The following EMSY variants were observed in gnomAD, a reference collection of about 807,000 sequenced individuals.
EMSY encodes EMSY transcriptional repressor, BRCA2 interacting, also known as BRCA2-interacting transcriptional repressor EMSY.
EMSY carries 26 observed loss-of-function variants against 134.6 expected under a neutral mutation model. The observed-to-expected ratio is 0.19, with a 90% CI of 0.14 to 0.27. The LOEUF (loss-of-function observed/expected upper bound fraction) is 0.27, where lower values mean the gene tolerates loss of function less well. EMSY is among the 10% of genes least tolerant of loss of function. The pLI, the probability that EMSY is intolerant of heterozygous loss-of-function variation, is 1.00. For missense variants in EMSY, 1,305 were observed against 1,611.4 expected (o/e 0.81, Z 3.26); for synonymous variants, 579 against 577.8 (o/e 1.00, Z -0.03).
intron 9 of EMSY, among the ~76,000 whole-genome samples, chr11:76,510,855 A>AT (rs1212349642): frequency 6.6e-6 from 1 of 152,238 alleles, no homozygotes; most frequent in African/African-American, 2.4e-5. Flanking sequence ...CTGGAATGGA[A>AT]TGTACCCCTT....
intron 7 of EMSY, among the ~76,000 whole-genome samples, chr11:76,471,297 AC>A (rs1948559326): frequency 1.3e-5 from 2 of 152,152 alleles, no homozygotes; most frequent in South Asian, 2.1e-4. Context: ...TATACTCTGC[AC>A]CCAGTTTTCT....
chr11:76,474,115 CAAA>C (rs11407539), intron 8 of EMSY, among the ~76,000 whole-genome samples: 5 of 128,652 alleles, frequency 3.9e-5, no homozygotes, highest in Non-Finnish European at 5.0e-5. Flanking sequence ...GACCCTGTCT[CAAA>C]AAAAAAAAAA....
At chr11:76,471,921 T>C (rs889739346) in intron 7 of EMSY, among the ~76,000 whole-genome samples, 4 of 152,190 alleles carry the variant, frequency 2.6e-5, no homozygotes, top group African/African-American at 9.6e-5. Flanking sequence ...ATGGATGGTC[T>C]TCTGGGTAGC....
intron 9 of EMSY, among the ~76,000 whole-genome samples, chr11:76,504,826 A>G (rs534256106): frequency 2.6e-5 from 4 of 152,358 alleles, no homozygotes; most frequent in Non-Finnish European, 5.9e-5. Context: ...TTAGCCATAA[A>G]AGGAATGAAG....
At chr11:76,546,094 C>T in exon 20 of EMSY, 1 of 1,614,094 alleles carries the variant, frequency 6.2e-7, no homozygotes, top group Non-Finnish European at 8.5e-7. Context: ...ACCCTCCACC[C>T]ACATGGTGGT....
chr11:76,516,053 G>C, intron 10 of EMSY, 89 bp from the exon 12 acceptor site: 3 of 1,156,268 alleles, frequency 2.6e-6, no homozygotes, highest in Non-Finnish European at 3.7e-6. Context: ...TAGCAATGTA[G>C]ATTATATGGA....
At chr11:76,537,830 A>G in exon 16 of EMSY, 1 of 1,609,966 alleles carries the variant, frequency 6.2e-7, no homozygotes, top group Middle Eastern at 1.7e-4. Flanking sequence ...AAGACAACCC[A>G]CTATTGACCT....
In EMSY at chr11:76,450,266, T is replaced by G. The variant is rs888805381; in HGVS notation, c.71-1592T>G. ...GGGGAAGGCATAAACATTTAGAGTATACTGCATTCTTGGTTATCCCTAATG... is the reference window on the plus strand; with the variant it reads ...GGGGAAGGCATAAACATTTAGAGTAGACTGCATTCTTGGTTATCCCTAATG... On this transcript the variant is annotated intron_variant, in intron 2 of 20. Transcript: ENST00000334736. Among the ~76,000 whole-genome samples, 4 of 152,300 alleles carry G rather than the reference T, an allele frequency of 2.6e-5. No individual in the cohort carries two copies. The East Asian group carries it at 7.7e-4, about 29-fold the overall frequency.
At chr11:76,479,870 A>G (rs1191499389) in intron 8 of EMSY, among the ~76,000 whole-genome samples, 2 of 152,250 alleles carry the variant, frequency 1.3e-5, no homozygotes, top group Non-Finnish European at 2.9e-5. Flanking sequence ...TGGATCCATC[A>G]GCATTGGAGT....
At chr11:76,496,261 C>T (rs1949650629) in exon 9 of EMSY, 9 of 1,614,088 alleles carry the variant, frequency 5.6e-6, no homozygotes, top group East Asian at 4.5e-5. Context: ...GACTTCCTTC[C>T]CCCAAAAGCT....
intron 9 of EMSY, among the ~76,000 whole-genome samples, chr11:76,502,618 G>A (rs867099088): frequency 6.6e-5 from 10 of 150,920 alleles, no homozygotes; most frequent in Admixed American, 5.3e-4. Context: ...GAAAGGTTGC[G>A]GGATACAAAG....
At chr11:76,535,117 A>G (rs1951178822) in intron 14 of EMSY, among the ~76,000 whole-genome samples, 1 of 152,136 alleles carries the variant, frequency 6.6e-6, no homozygotes, top group Non-Finnish European at 1.5e-5. Context: ...TAACATTTCT[A>G]TTGGCCTTCA....
chr11:76,542,756 T>G (rs1485805028), intron 18 of EMSY, among the ~76,000 whole-genome samples: 3 of 149,878 alleles, frequency 2.0e-5, no homozygotes, highest in South Asian at 2.1e-4. Context: ...GTTTTTTGTT[T>G]TTTTTTTTTT....
intron 8 of EMSY, among the ~76,000 whole-genome samples, chr11:76,485,884 A>G (rs1949157480): frequency 6.6e-6 from 1 of 152,206 alleles, no homozygotes; most frequent in African/African-American, 2.4e-5. Context: ...CATTTGACCC[A>G]GCAATCCCAT....
intron 9 of EMSY, among the ~76,000 whole-genome samples, chr11:76,511,389 T>G (rs560975186): frequency 6.6e-6 from 1 of 152,326 alleles, no homozygotes; most frequent in South Asian, 2.1e-4. Context: ...AGAAGCTCCT[T>G]TTTATATGTG....
At chr11:76,522,220 G>C (rs961986977) in intron 11 of EMSY, among the ~76,000 whole-genome samples, 3 of 151,888 alleles carry the variant, frequency 2.0e-5, no homozygotes, top group Non-Finnish European at 4.4e-5. Context: ...AGACCTATTA[G>C]ATAGATCTTA....
chr11:76,526,330 A>G (rs1259947785), intron 12 of EMSY, 132 bp from the exon 14 acceptor site: 3 of 568,046 alleles, frequency 5.3e-6, no homozygotes, highest in African/African-American at 1.9e-5. Context: ...TTTCCTGGAA[A>G]CATTATACTT....
intron 20 of EMSY, 67 bp downstream of exon 21, chr11:76,546,364 T>A: frequency 6.6e-7 from 1 of 1,523,442 alleles, no homozygotes; most frequent in Admixed American, 2.0e-5. Context: ...TTGATATGTT[T>A]TTGACTTGTC....
chr11:76,489,804 C>T (rs1464315700), intron 8 of EMSY, among the ~76,000 whole-genome samples: 1 of 152,200 alleles, frequency 6.6e-6, no homozygotes, highest in East Asian at 1.9e-4. Context: ...AGCGTCTCAC[C>T]ATGTTGGCCA....
Sources: allele counts gnomAD v4.1 joint callset (sites outside exome capture counted in the v4.1 genomes callset), GRCh38; gene constraint gnomAD v4.1.1; transcripts MANE v1.5; gene names NCBI Gene and HGNC (gene_info 2026-07-23, HGNC 2026-07-21).